Variants in ITFG2 observed in about 807,000 individuals in gnomAD.
The protein encoded by ITFG2 is KICSTOR complex protein ITFG2.
A neutral mutation model predicts 54.4 loss-of-function variants in ITFG2; 36 were observed. The ratio of observed to expected loss-of-function variants is 0.66; its 90% CI spans 0.51 to 0.87. The LOEUF (loss-of-function observed/expected upper bound fraction) is 0.87, where lower values mean the gene tolerates loss of function less well. Ranked by LOEUF, ITFG2 falls within the 40% of genes least tolerant of loss-of-function variation. The pLI, the probability that ITFG2 is intolerant of heterozygous loss-of-function variation, is 0.00. For missense variants in ITFG2, 524 were observed against 576.7 expected (o/e 0.91, Z 0.94); for synonymous variants, 211 against 225.4 (o/e 0.94, Z 0.57).
downstream of ITFG2, chr12:2,825,245 T>C (rs1362135573): frequency 6.6e-6 from 1 of 152,262 alleles, no homozygotes; most frequent in Non-Finnish European, 1.5e-5. Flanking sequence ...TGGGTCAGCC[T>C]GGGCAAGGGC....
At chr12:2,827,790 T>A, downstream of ITFG2, 1 of 1,604,980 alleles carries the variant, frequency 6.2e-7, no homozygotes, top group Non-Finnish European at 8.5e-7. The surrounding 1 kb of genome is among the most constrained non-coding windows in gnomAD (Gnocchi z 4.0). Flanking sequence ...CCGAGGACAC[T>A]GGCACAGAGA....
At chr12:2,855,118 G>T in intron 2 of ITFG2, 1 of 1,534,256 alleles carries the variant, frequency 6.5e-7, no homozygotes, top group Non-Finnish European at 8.7e-7. Flanking sequence ...GTGCTCCGTG[G>T]GGGGGCATCT....
intron 2 of ITFG2, 70 bp downstream of exon 2, chr12:2,817,388 GCCCCA>G: frequency 4.6e-6 from 5 of 1,090,346 alleles, no homozygotes; most frequent in Non-Finnish European, 6.9e-6. Context: ...CCTAGGGTGA[GCCCCA>G]CACAGGTGCT....
chr12:2,822,930 G>A lies in ITFG2; in HGVS notation c.1066+19G>A. ...TGTGCAGGTGACCCCCGCCCCCATG[G>A]CCCCTTTCTAACCACACTTAAGTTA... On this transcript the variant is annotated intron_variant, in intron 10 of 11. Transcript: ENST00000228799. 6.3e-7 allele frequency: 1 copy of A among 1,589,314 alleles called. No individual in the cohort carries two copies. Among genetic ancestry groups the A allele is most frequent in the Non-Finnish European group, 8.6e-7 (1 of 1,157,560 alleles).
At chr12:2,816,625 G>A (rs2097922541) in intron 1 of ITFG2, among the ~76,000 whole-genome samples, 1 of 146,982 alleles carries the variant, frequency 6.8e-6, no homozygotes, top group Non-Finnish European at 1.5e-5. Context: ...CACTGCGCCT[G>A]GCCTTTTTTT....
At chr12:2,848,713 A>G (rs1308472680) in intron 2 of ITFG2, among the ~76,000 whole-genome samples, 1 of 152,154 alleles carries the variant, frequency 6.6e-6, no homozygotes, top group Non-Finnish European at 1.5e-5. Flanking sequence ...CAGACATCAA[A>G]TGGTCCAGGG....
At chr12:2,820,048 T>C (rs373485572) in intron 4 of ITFG2, 38 bp from the exon 5 acceptor site, 242 of 1,575,450 alleles carry the variant, frequency 1.5e-4, no homozygotes, top group Non-Finnish European at 2.0e-4. Context: ...GGGCTGCTCG[T>C]GGGACTCCAG....
chr12:2,858,606 G>C (rs1458101443), intron 3 of ITFG2: 1 of 1,590,556 alleles, frequency 6.3e-7, no homozygotes, highest in Non-Finnish European at 8.6e-7. Context: ...CGGGATGGTG[G>C]ACAGCTTGAG....
At chr12:2,827,279 G>A (rs758577071), downstream of ITFG2, 19 of 1,613,824 alleles carry the variant, frequency 1.2e-5, no homozygotes, top group Middle Eastern at 3.3e-4. This position sits in a 1 kb window ranked among gnomAD's most constrained non-coding sequence, Gnocchi z 4.0. Context: ...GCAGCACTCC[G>A]TGCTCCAGGT....
At chr12:2,820,285 G>A in intron 5 of ITFG2, 60 bp downstream of exon 5, 1 of 1,493,262 alleles carries the variant, frequency 6.7e-7, no homozygotes, top group African/African-American at 1.4e-5. Flanking sequence ...TCTCCTGGAG[G>A]AGGTAGTGGG....
chr12:2,839,035 T>TA (rs1261861845), intron 1 of ITFG2, among the ~76,000 whole-genome samples: 1 of 152,030 alleles, frequency 6.6e-6, no homozygotes, highest in Non-Finnish European at 1.5e-5. Flanking sequence ...CTCATGCCTG[T>TA]AATCCCAGCA....
At chr12:2,813,335 G>A (rs2097913834) in intron 1 of ITFG2, among the ~76,000 whole-genome samples, 1 of 152,212 alleles carries the variant, frequency 6.6e-6, no homozygotes, top group African/African-American at 2.4e-5. Context: ...GTAAAACAAT[G>A]CCTGGCACAC....
At chr12:2,814,849 AC>A (rs1460388242) in intron 1 of ITFG2, among the ~76,000 whole-genome samples, 4 of 151,638 alleles carry the variant, frequency 2.6e-5, no homozygotes, top group Non-Finnish European at 4.4e-5. Context: ...CAACAAAAAA[AC>A]AGAAAGAAAA....
upstream of ITFG2, chr12:2,834,861 G>T: frequency 1.2e-6 from 2 of 1,613,794 alleles, no homozygotes; most frequent in South Asian, 1.1e-5. Flanking sequence ...TGGGCCAGGG[G>T]CTGCTCGGTG....
chr12:2,854,481 C>T (rs2098081021), intron 2 of ITFG2, among the ~76,000 whole-genome samples: 1 of 152,232 alleles, frequency 6.6e-6, no homozygotes, highest in Non-Finnish European at 1.5e-5. Context: ...TGGAACTGTA[C>T]TCCAGGCCTT....
At chr12:2,839,031 C>T (rs148592174) in intron 1 of ITFG2, among the ~76,000 whole-genome samples, 2,637 of 152,104 alleles carry the variant, frequency 0.017, 57 homozygotes, top group South Asian at 0.022. Flanking sequence ...GTGGCTCATG[C>T]CTGTAATCCC....
intron 2 of ITFG2, chr12:2,830,421 A>C (rs1424504128): frequency 1.3e-5 from 4 of 303,138 alleles, no homozygotes; most frequent in Non-Finnish European, 2.4e-5. Context: ...CACACACACC[A>C]TTTGTCTGTG....
intron 3 of ITFG2, chr12:2,859,114 G>C (rs1352428719): frequency 6.2e-7 from 1 of 1,605,886 alleles, no homozygotes; most frequent in Non-Finnish European, 8.5e-7. Flanking sequence ...GAGATGGGCA[G>C]CGTTTCCTTA....
intron 1 of ITFG2, among the ~76,000 whole-genome samples, chr12:2,839,306 AATT>A (rs772814534): frequency 1.1e-4 from 16 of 152,126 alleles, no homozygotes; most frequent in Non-Finnish European, 2.2e-4. Flanking sequence ...AAAACCAAAT[AATT>A]AATCAACAAG....
Sources: allele counts gnomAD v4.1 joint callset (sites outside exome capture counted in the v4.1 genomes callset), GRCh38; gene constraint gnomAD v4.1.1; non-coding constraint Gnocchi (gnomAD v3.1); transcripts MANE v1.5; gene names NCBI Gene and HGNC (gene_info 2026-07-23, HGNC 2026-07-21).